Variants in PXDNL observed in about 807,000 individuals in gnomAD.
The protein encoded by PXDNL is peroxidasin like.
Under a neutral mutation model 150.8 loss-of-function variants are expected in PXDNL, and 145 were observed. The ratio of observed to expected loss-of-function variants is 0.96; its 90% CI spans 0.84 to 1.10. The LOEUF (loss-of-function observed/expected upper bound fraction) is 1.10, where lower values mean the gene tolerates loss of function less well. Ranked by LOEUF, PXDNL falls within the 50% of genes least tolerant of loss-of-function variation. The pLI, the probability that PXDNL is intolerant of heterozygous loss-of-function variation, is 0.00. For synonymous variants in PXDNL, 757 were observed against 725.7 expected (o/e 1.04, Z -0.69); for missense variants, 2,087 against 1,873.9 (o/e 1.11, Z -2.10).
At chr8:51,625,717 C>T (rs1418076622) in intron 2 of PXDNL, among the ~76,000 whole-genome samples, 3 of 152,144 alleles carry the variant, frequency 2.0e-5, no homozygotes, top group Admixed American at 1.3e-4. Context: ...AAGTTATAGT[C>T]ACACAATTGA....
intron 1 of PXDNL, among the ~76,000 whole-genome samples, chr8:51,667,603 A>G (rs887350778): frequency 2.0e-5 from 3 of 152,186 alleles, no homozygotes; most frequent in African/African-American, 7.2e-5. Flanking sequence ...CCAAAGAGCT[A>G]TGGATGCCAA....
chr8:51,379,723 TTC>T (rs2130806514), intron 17 of PXDNL, among the ~76,000 whole-genome samples: 1 of 152,254 alleles, frequency 6.6e-6, no homozygotes, highest in South Asian at 2.1e-4. Context: ...TACTAAAAAT[TTC>T]TTTCTTTCCC....
At chr8:51,441,893 T>C (rs1398980750) in intron 12 of PXDNL, among the ~76,000 whole-genome samples, 1 of 152,144 alleles carries the variant, frequency 6.6e-6, no homozygotes, top group Non-Finnish European at 1.5e-5. Context: ...AGGACTTCAA[T>C]ATGGCCTCTG....
At chr8:51,636,401 A>G (rs553917089) in intron 2 of PXDNL, among the ~76,000 whole-genome samples, 1 of 152,292 alleles carries the variant, frequency 6.6e-6, no homozygotes, top group East Asian at 1.9e-4. Flanking sequence ...AATAAGAAGT[A>G]AAACTATCTC....
At chr8:51,724,413 C>G (rs548374276) in intron 1 of PXDNL, among the ~76,000 whole-genome samples, 1 of 152,070 alleles carries the variant, frequency 6.6e-6, no homozygotes, top group East Asian at 1.9e-4. Context: ...ATTGCAGTCT[C>G]AGGTCTCCAA....
chr8:51,771,491 G>A (rs1375831857), intron 1 of PXDNL, among the ~76,000 whole-genome samples: 3 of 152,204 alleles, frequency 2.0e-5, no homozygotes, highest in African/African-American at 2.4e-5. Context: ...TGTCACGGAT[G>A]GCTCCTGACC....
chr8:51,646,946 G>A (rs1028826849), intron 2 of PXDNL, among the ~76,000 whole-genome samples: 19 of 152,064 alleles, frequency 1.2e-4, no homozygotes, highest in Admixed American at 3.9e-4. Context: ...AGAGAGAGCC[G>A]ATGGCCTGGG....
intron 21 of PXDNL, among the ~76,000 whole-genome samples, chr8:51,329,085 A>C (rs541603013): frequency 3.4e-4 from 52 of 152,332 alleles, no homozygotes; most frequent in African/African-American, 1.2e-3. Context: ...AAGGAGTAGG[A>C]GGTGGAGAAA....
intron 4 of PXDNL, among the ~76,000 whole-genome samples, chr8:51,509,413 T>A (rs769324219): frequency 2.4e-5 from 3 of 125,872 alleles, no homozygotes; most frequent in Non-Finnish European, 3.6e-5. Context: ...ATGATACAAA[T>A]CAAATCTGTT....
chr8:51,610,121 G>T (rs1813968159), intron 2 of PXDNL, among the ~76,000 whole-genome samples: 1 of 152,090 alleles, frequency 6.6e-6, no homozygotes, highest in Non-Finnish European at 1.5e-5. Context: ...GAGAGCACAA[G>T]AATTTGTCCA....
intron 12 of PXDNL, among the ~76,000 whole-genome samples, chr8:51,439,780 G>A (rs1291496955): frequency 5.9e-5 from 8 of 135,604 alleles, no homozygotes; most frequent in African/African-American, 5.6e-5. Flanking sequence ...AGCCAAGATC[G>A]CACCACTGCA....
intron 19 of PXDNL, among the ~76,000 whole-genome samples, chr8:51,359,309 T>C (rs1184070798): frequency 2.0e-5 from 3 of 150,866 alleles, no homozygotes; most frequent in Non-Finnish European, 1.5e-5. Context: ...ACAGGGCATT[T>C]CCAATGCTGC....
At chr8:51,612,968 A>T (rs561424214) in intron 2 of PXDNL, among the ~76,000 whole-genome samples, 1 of 152,178 alleles carries the variant, frequency 6.6e-6, no homozygotes, top group Non-Finnish European at 1.5e-5. Flanking sequence ...TCTGTATGTC[A>T]TCTGTTTCCT....
chr8:51,511,192 G>T (rs565449107), intron 4 of PXDNL, among the ~76,000 whole-genome samples: 1 of 152,294 alleles, frequency 6.6e-6, no homozygotes, highest in East Asian at 1.9e-4. Flanking sequence ...ATTCTGTGAT[G>T]CTGTGGCTGA....
intron 17 of PXDNL, among the ~76,000 whole-genome samples, chr8:51,400,831 C>G (rs1322159522): frequency 3.3e-5 from 5 of 152,126 alleles, no homozygotes; most frequent in Admixed American, 2.0e-4. Flanking sequence ...TTCATTGATG[C>G]CACTCAATAG....
intron 5 of PXDNL, among the ~76,000 whole-genome samples, chr8:51,486,768 ATATATATATATATATATATATATATAT>A (rs1273364937): frequency 1.6e-3 from 13 of 8,220 alleles, no homozygotes; most frequent in African/African-American, 3.8e-3. Context: ...ATATATATAT[ATATATATATATATATATATATATATAT>A]TTTTTTTTTT....
intron 20 of PXDNL, among the ~76,000 whole-genome samples, chr8:51,345,355 A>C (rs188636904): frequency 2.6e-5 from 4 of 152,344 alleles, no homozygotes; most frequent in Admixed American, 2.0e-4. Context: ...TTTCAAAGGA[A>C]TAAGACTGAC....
At chr8:51,688,618 AT>A (rs1815924278) in intron 1 of PXDNL, among the ~76,000 whole-genome samples, 1 of 152,084 alleles carries the variant, frequency 6.6e-6, no homozygotes, top group Non-Finnish European at 1.5e-5. Flanking sequence ...GTAACATTTA[AT>A]TTTTATTAGC....
intron 17 of PXDNL, among the ~76,000 whole-genome samples, chr8:51,382,113 G>A (rs7016716): frequency 0.26 from 38,689 of 151,584 alleles, 7,884 homozygotes; most frequent in African/African-American, 0.56. Flanking sequence ...CTGGGATTAC[G>A]TGTGTGAGCC....
Sources: gnomAD v4.1 joint callset for allele counts (sites outside exome capture counted in the v4.1 genomes callset) on GRCh38, gnomAD v4.1.1 for gene constraint, MANE v1.5 for transcripts, NCBI Gene and HGNC (gene_info 2026-07-23, HGNC 2026-07-21) for gene names.